CSMD3: variants seen among roughly 807,000 people sequenced by gnomAD.
CSMD3 encodes the protein CUB and sushi domain-containing protein 3.
Under a neutral mutation model 435.2 loss-of-function variants are expected in CSMD3, and 177 were observed. The ratio of observed to expected loss-of-function variants is 0.41; its 90% CI spans 0.36 to 0.46. CSMD3 has a LOEUF of 0.46. Among genes scored for constraint, CSMD3 ranks in the 20% least tolerant of loss-of-function variants. The pLI is 0.34. For missense variants in CSMD3, 4,265 were observed against 4,504.6 expected (o/e 0.95, Z 1.52); for synonymous variants, 1,656 against 1,520.5 (o/e 1.09, Z -2.07).
chr8:112,573,514 T>C lies in CSMD3; in HGVS notation c.4029A>G (p.Gln1343=). ...TAAAATACTTACTGGTATACACAAG[T>C]TGAAAGCCTTCATCTGTCCCTTCAG... The part of the protein sequence containing the change: ...SDTEGTDEGF[Q]LVYTSFELSH... Residue 1343 remains glutamine, a synonymous_variant, in exon 24 of 71, where the codon CAA becomes CAG. Coordinates refer to ENST00000297405, the MANE Select transcript of CSMD3 (RefSeq NM_198123.2). The C allele has an allele frequency of 6.2e-7, 1 of 1,613,378 alleles. No homozygotes were observed. Among genetic ancestry groups the C allele is most frequent in the African/African-American group, 1.3e-5 (1 of 75,022 alleles).
chr8:112,611,459 C>A (rs1212984141), intron 22 of CSMD3, among the ~76,000 whole-genome samples: 1 of 152,142 alleles, frequency 6.6e-6, no homozygotes, highest in African/African-American at 2.4e-5. Context: ...ATAAAAGTTT[C>A]TTTAGAGACG....
At chr8:112,842,609 A>G (rs2080211390) in intron 11 of CSMD3, among the ~76,000 whole-genome samples, 3 of 151,796 alleles carry the variant, frequency 2.0e-5, no homozygotes, top group Non-Finnish European at 4.4e-5. Context: ...TTCAAGAGTC[A>G]TAAGAAATTA....
chr8:113,427,500 AG>A (rs1267413988), intron 1 of CSMD3, among the ~76,000 whole-genome samples: 4 of 144,012 alleles, frequency 2.8e-5, no homozygotes, highest in African/African-American at 8.6e-5. Context: ...AAAAAAAAAA[AG>A]AGGCTCATAA....
At chr8:112,787,889 CA>C (rs1308199503) in intron 13 of CSMD3, among the ~76,000 whole-genome samples, 3 of 152,132 alleles carry the variant, frequency 2.0e-5, no homozygotes, top group South Asian at 2.1e-4. Context: ...AATAGCAGAA[CA>C]GGGTGACTAC....
intron 48 of CSMD3, 102 bp downstream of exon 48, chr8:112,314,327 G>T: frequency 1.1e-6 from 1 of 887,306 alleles, no homozygotes; most frequent in Non-Finnish European, 1.8e-6. Context: ...ATATCTGTAA[G>T]ATAAACTCAC....
chr8:112,918,076 T>G (rs1308659161), intron 10 of CSMD3, among the ~76,000 whole-genome samples: 1 of 151,944 alleles, frequency 6.6e-6, no homozygotes, highest in East Asian at 1.9e-4. Context: ...TATTATATAT[T>G]ATCTAGTTTT....
chr8:112,954,248 T>A (rs2083929414), intron 8 of CSMD3, among the ~76,000 whole-genome samples: 1 of 151,568 alleles, frequency 6.6e-6, no homozygotes, highest in South Asian at 2.1e-4. Flanking sequence ...TAAGACTTGT[T>A]TTTTCTGAAA....
At chr8:112,373,022 A>ATT (rs58793930) in intron 38 of CSMD3, among the ~76,000 whole-genome samples, 4 of 138,362 alleles carry the variant, frequency 2.9e-5, no homozygotes, top group East Asian at 2.0e-4. Flanking sequence ...ATATATATAT[A>ATT]TTTTTTTTCT....
At chr8:113,002,784 T>C (rs996091850) in intron 6 of CSMD3, among the ~76,000 whole-genome samples, 2 of 152,164 alleles carry the variant, frequency 1.3e-5, no homozygotes, top group Non-Finnish European at 2.9e-5. Flanking sequence ...CATGTTTTAC[T>C]AAGGATCATG....
intron 4 of CSMD3, among the ~76,000 whole-genome samples, chr8:113,166,391 G>A (rs2092149597): frequency 1.3e-5 from 2 of 152,032 alleles, no homozygotes; most frequent in South Asian, 4.1e-4. Context: ...TATAATCCCA[G>A]CTACTTGGAA....
intron 13 of CSMD3, among the ~76,000 whole-genome samples, chr8:112,751,074 TA>T (rs11287730): frequency 0.82 from 122,533 of 150,142 alleles, 50,172 homozygotes; most frequent in African/African-American, 0.89. Flanking sequence ...AGCTTTGTAT[TA>T]AAAAAAAAAA....
chr8:112,802,620 G>A (rs1249629244), intron 12 of CSMD3, among the ~76,000 whole-genome samples: 1 of 151,914 alleles, frequency 6.6e-6, no homozygotes, highest in East Asian at 1.9e-4. Flanking sequence ...TTTATGGAGA[G>A]CTTTTACTGA....
chr8:112,348,221 TTG>T (rs1825835281), intron 40 of CSMD3, among the ~76,000 whole-genome samples: 2 of 152,208 alleles, frequency 1.3e-5, no homozygotes, highest in Admixed American at 6.5e-5. Context: ...AATATCAATT[TTG>T]TGTGTGTCAT....
At chr8:112,907,680 T>C (rs2082300050) in intron 10 of CSMD3, among the ~76,000 whole-genome samples, 1 of 151,310 alleles carries the variant, frequency 6.6e-6, no homozygotes, top group Non-Finnish European at 1.5e-5. Context: ...TATCTACCTA[T>C]TTAGAACAGT....
At chr8:112,782,045 T>C (rs2078402394) in intron 13 of CSMD3, among the ~76,000 whole-genome samples, 3 of 152,028 alleles carry the variant, frequency 2.0e-5, no homozygotes, top group African/African-American at 7.2e-5. Context: ...TCTACGAACA[T>C]CCACAAACAT....
At chr8:112,615,015 C>T (rs1301553740) in intron 22 of CSMD3, among the ~76,000 whole-genome samples, 1 of 146,330 alleles carries the variant, frequency 6.8e-6, no homozygotes, top group Non-Finnish European at 1.5e-5. Flanking sequence ...GAAAAAAAAA[C>T]TGTACTCATA....
intron 32 of CSMD3, among the ~76,000 whole-genome samples, chr8:112,472,070 C>G (rs1818572996): frequency 6.6e-6 from 1 of 152,158 alleles, no homozygotes; most frequent in Admixed American, 6.6e-5. Flanking sequence ...GTCAGGTTGA[C>G]AAGATGAGCT....
At chr8:112,852,012 C>T (rs16884153) in intron 11 of CSMD3, among the ~76,000 whole-genome samples, 2,440 of 151,978 alleles carry the variant, frequency 0.016, 133 homozygotes, top group Admixed American at 0.1. Context: ...AGTGAGGGAG[C>T]CAGGAGCAGC....
At chr8:112,970,846 C>A (rs1485934218) in intron 7 of CSMD3, among the ~76,000 whole-genome samples, 1 of 151,804 alleles carries the variant, frequency 6.6e-6, no homozygotes, top group East Asian at 1.9e-4. Flanking sequence ...CTCGGCCTCC[C>A]GAGTAGCTGG....
Sources: gnomAD v4.1 joint callset for allele counts (sites outside exome capture counted in the v4.1 genomes callset) on GRCh38, gnomAD v4.1.1 for gene constraint, MANE v1.5 for transcripts, NCBI Gene and HGNC (gene_info 2026-07-23, HGNC 2026-07-21) for gene names.